Variants in DGKI observed in about 807,000 individuals in gnomAD.
DGKI encodes the protein DAG kinase iota.
A neutral mutation model predicts 147.5 loss-of-function variants in DGKI; 55 were observed. The observed-to-expected ratio is 0.37, with a 90% CI of 0.30 to 0.47. The LOEUF (loss-of-function observed/expected upper bound fraction) is 0.47, where lower values mean the gene tolerates loss of function less well. Among genes scored for constraint, DGKI ranks in the 20% least tolerant of loss-of-function variants. DGKI has a pLI of 1.00. For missense variants in DGKI, 1,007 were observed against 1,323.8 expected (o/e 0.76, Z 3.71); for synonymous variants, 469 against 477.1 (o/e 0.98, Z 0.22).
chr7:137,619,913 G>A lies in DGKI; in HGVS notation c.904C>T (p.Leu302=). 1 of 1,613,830 alleles carries A rather than the reference G, an allele frequency of 6.2e-7. No homozygotes were observed. The highest frequency in any genetic ancestry group is 1.7e-5 in the Admixed American group (1 of 59,996). ...AFHNKVTCFM[L]HHIEEPCSLG... The stretch of plus-strand genomic sequence containing the variant: ...GAGCAGGGTTCTTCAATGTGATGCA[G>A]CATGAAGCAGGTCACCTTATTGTGA... The change falls in exon 8 of 33, where the codon CTG becomes TTG. Residue 302 remains leucine (L), a synonymous_variant. Coordinates refer to ENST00000614521, the MANE Select transcript of DGKI (RefSeq NM_001321708.2).
At chr7:137,588,499 T>C (rs376004074) in intron 12 of DGKI, among the ~76,000 whole-genome samples, 1 of 143,094 alleles carries the variant, frequency 7.0e-6, no homozygotes, top group South Asian at 2.3e-4. Context: ...TTTTTTGAGA[T>C]GGAGTCTCAA....
At chr7:137,606,609 C>T (rs138866137) in intron 10 of DGKI, among the ~76,000 whole-genome samples, 47 of 152,306 alleles carry the variant, frequency 3.1e-4, no homozygotes, top group African/African-American at 1.1e-3. Flanking sequence ...CTGAATCATA[C>T]GCACATTAAA....
chr7:137,651,339 T>C (rs1822019606), intron 5 of DGKI, among the ~76,000 whole-genome samples: 1 of 152,142 alleles, frequency 6.6e-6, no homozygotes, highest in Admixed American at 6.5e-5. Flanking sequence ...AAATATATTT[T>C]ATAAATAAAA....
chr7:137,570,491 G>T (rs1818755129), intron 19 of DGKI, among the ~76,000 whole-genome samples: 1 of 151,990 alleles, frequency 6.6e-6, no homozygotes, highest in Admixed American at 6.6e-5. Context: ...TCCACAAGTT[G>T]CTACTGTCTC....
chr7:137,485,952 T>C (rs1237304045), intron 22 of DGKI, among the ~76,000 whole-genome samples: 1 of 152,074 alleles, frequency 6.6e-6, no homozygotes, highest in African/African-American at 2.4e-5. Context: ...AAGTGCAAAT[T>C]AACAGGGTTG....
At chr7:137,503,577 A>G (rs528592893) in intron 21 of DGKI, among the ~76,000 whole-genome samples, 5 of 152,294 alleles carry the variant, frequency 3.3e-5, no homozygotes, top group African/African-American at 9.6e-5. Context: ...GATATTATCA[A>G]TTTGGTAGTT....
chr7:137,846,630 C>T lies in DGKI; in HGVS notation c.233G>A (p.Ser78Asn). The change falls in exon 1 of 33, where the codon AGC (serine) becomes AAC (asparagine). Residue 78 changes from serine to asparagine, a missense_variant. Transcript: ENST00000614521. The surrounding 1 kb of genome is among the most constrained non-coding windows in gnomAD (Gnocchi z 4.0). ...GSSSSGSGAG[S>N]CCLGAEGGAD... ...GCCGCCCTCGGCGCCCAGGCAGCAG[C>T]TCCCGGCGCCGCTTCCGCTGCTGCT... The T allele has an allele frequency of 9.4e-7, 1 of 1,069,052 alleles. No individual in the cohort carries two copies. The allele number at this position is 1,069,052 out of a possible 1,614,324, so 66.2% of individuals were successfully genotyped here.
At chr7:137,771,589 A>T (rs1231975947) in intron 1 of DGKI, 1 of 152,262 alleles carries the variant, frequency 6.6e-6, no homozygotes, top group Non-Finnish European at 1.5e-5. Flanking sequence ...GATACCAATA[A>T]ACATGCATCT....
intron 1 of DGKI, among the ~76,000 whole-genome samples, chr7:137,796,796 C>T (rs944279047): frequency 6.6e-6 from 1 of 152,064 alleles, no homozygotes; most frequent in African/African-American, 2.4e-5. Context: ...GGAAAATAAA[C>T]AAAGCCTCAG....
chr7:137,490,919 G>C (rs1815740045), intron 21 of DGKI, among the ~76,000 whole-genome samples: 1 of 152,210 alleles, frequency 6.6e-6, no homozygotes, highest in African/African-American at 2.4e-5. Context: ...AAAAGAACAA[G>C]CTGTGTTCCA....
intron 1 of DGKI, among the ~76,000 whole-genome samples, chr7:137,843,795 A>C (rs1554488535): frequency 2.1e-5 from 3 of 141,908 alleles, no homozygotes; most frequent in East Asian, 2.0e-4. Context: ...ACACACACAC[A>C]CCCTCTCTCC....
At chr7:137,459,735 A>C (rs1814355787) in intron 27 of DGKI, among the ~76,000 whole-genome samples, 1 of 151,902 alleles carries the variant, frequency 6.6e-6, no homozygotes, top group African/African-American at 2.4e-5. Flanking sequence ...CAGCCTCCCA[A>C]AGTGCTAGGA....
intron 19 of DGKI, among the ~76,000 whole-genome samples, chr7:137,569,979 A>T (rs576685682): frequency 2.0e-3 from 300 of 152,198 alleles, no homozygotes; most frequent in African/African-American, 6.9e-3. Flanking sequence ...TCACAAAATC[A>T]GGTGATGAAG....
intron 3 of DGKI, among the ~76,000 whole-genome samples, chr7:137,670,112 A>G (rs1822789890): frequency 6.6e-6 from 1 of 152,174 alleles, no homozygotes; most frequent in South Asian, 2.1e-4. Context: ...ATTTATGGTC[A>G]TGAGCTCCTT....
In DGKI at chr7:137,599,393, G is replaced by A. The variant is rs1019420083; in HGVS notation, c.1250+430C>T. On this transcript the variant is annotated intron_variant, in intron 11 of 32. Coordinates refer to ENST00000614521, the MANE Select transcript of DGKI (RefSeq NM_001321708.2). ...CTCTCTCTCTCACACACAAGCGCGC[G>A]CACACACACACACACACTCTCTCTT... 9.2e-4 allele frequency among the ~76,000 whole-genome samples: 138 copies of A among 150,356 alleles called. 1 individual carries two copies. The highest frequency in any genetic ancestry group is 3.1e-3 in the African/African-American group (126 of 40,972).
chr7:137,762,207 C>T (rs1362934401), intron 1 of DGKI, among the ~76,000 whole-genome samples: 2 of 152,202 alleles, frequency 1.3e-5, no homozygotes, highest in African/African-American at 2.4e-5. Flanking sequence ...ATGTCTATAA[C>T]AGTATATCCC....
intron 1 of DGKI, among the ~76,000 whole-genome samples, chr7:137,806,627 G>A (rs1053332422): frequency 6.6e-6 from 1 of 152,088 alleles, no homozygotes; most frequent in Non-Finnish European, 1.5e-5. Flanking sequence ...TAGAGATGGG[G>A]TTTCACCGTG....
chr7:137,814,421 G>A (rs1377550478), intron 1 of DGKI, among the ~76,000 whole-genome samples: 2 of 151,994 alleles, frequency 1.3e-5, no homozygotes, highest in Non-Finnish European at 2.9e-5. Context: ...GGCTAATAAT[G>A]GACTAAATGA....
chr7:137,728,061 A>G (rs1033237264), intron 1 of DGKI, among the ~76,000 whole-genome samples: 1 of 152,212 alleles, frequency 6.6e-6, no homozygotes, highest in Non-Finnish European at 1.5e-5. Flanking sequence ...AAATTCTAAA[A>G]ATTGTCTAGT....
Sources: allele counts gnomAD v4.1 joint callset (sites outside exome capture counted in the v4.1 genomes callset), GRCh38; gene constraint gnomAD v4.1.1; non-coding constraint Gnocchi (gnomAD v3.1); transcripts MANE v1.5; gene names NCBI Gene and HGNC (gene_info 2026-07-23, HGNC 2026-07-21).